GLCE: variants seen among roughly 807,000 people sequenced by gnomAD.
The protein encoded by GLCE is D-glucuronyl C5-epimerase.
A neutral mutation model predicts 47.9 loss-of-function variants in GLCE; 19 were observed. That is an observed-to-expected ratio of 0.40 (90% confidence interval 0.28 to 0.58). The LOEUF (loss-of-function observed/expected upper bound fraction) is 0.58. Ranked by LOEUF, GLCE falls within the 20% of genes least tolerant of loss-of-function variation. The pLI, the probability that GLCE is intolerant of heterozygous loss-of-function variation, is 0.48. For missense variants in GLCE, 556 were observed against 743.3 expected, an observed-to-expected ratio of 0.75 and a Z score of 2.93; for synonymous variants, 245 against 263.4, an observed-to-expected ratio of 0.93 and a Z score of 0.68.
intron 2 of GLCE, among the ~76,000 whole-genome samples, chr15:69,226,049 CACACACACACACACACACACACACAG>C (rs899507583): frequency 1.7e-4 from 2 of 11,498 alleles, no homozygotes; most frequent in Non-Finnish European, 2.7e-4. Flanking sequence ...CATGCACAGA[CACACACACACACACACACACACACAG>C]ACACACACAC....
At chr15:69,249,928 A>G (rs1738415761) in intron 2 of GLCE, among the ~76,000 whole-genome samples, 1 of 152,198 alleles carries the variant, frequency 6.6e-6, no homozygotes, top group Admixed American at 6.5e-5. Flanking sequence ...TATTTCTACA[A>G]AGAAGTTTTT....
intron 1 of GLCE, among the ~76,000 whole-genome samples, chr15:69,171,208 A>T (rs2051583096): frequency 6.6e-6 from 1 of 152,144 alleles, no homozygotes. Flanking sequence ...AACATATTTT[A>T]AAAATATTTT....
At chr15:69,253,960 G>A (rs2052885156) in intron 2 of GLCE, among the ~76,000 whole-genome samples, 1 of 152,222 alleles carries the variant, frequency 6.6e-6, no homozygotes, top group South Asian at 2.1e-4. Context: ...GCAGAATACA[G>A]TTGTTTTCAG....
chr15:69,240,600 G>A (rs548426233), intron 2 of GLCE, among the ~76,000 whole-genome samples: 1 of 152,020 alleles, frequency 6.6e-6, no homozygotes, highest in African/African-American at 2.4e-5. Flanking sequence ...TAATAAGTAC[G>A]GCCTATAGGA....
At chr15:69,197,078 T>C in intron 1 of GLCE, 1 of 324,564 alleles carries the variant, frequency 3.1e-6, no homozygotes, top group South Asian at 2.9e-5. Flanking sequence ...TCAACAAATC[T>C]CTGAGATGCA....
chr15:69,189,470 A>G (rs1266169904), intron 1 of GLCE, among the ~76,000 whole-genome samples: 2 of 152,210 alleles, frequency 1.3e-5, no homozygotes, highest in Non-Finnish European at 2.9e-5. Flanking sequence ...GTGGCTTCCA[A>G]GTTTGGGCAA....
chr15:69,211,322 GTC>G (rs750897060), intron 2 of GLCE, among the ~76,000 whole-genome samples: 47 of 152,050 alleles, frequency 3.1e-4, no homozygotes, highest in Non-Finnish European at 6.3e-4. Flanking sequence ...GATTATATTT[GTC>G]TCTCCTACTA....
chr15:69,174,979 T>A (rs979858187), intron 1 of GLCE, among the ~76,000 whole-genome samples: 2 of 152,222 alleles, frequency 1.3e-5, no homozygotes, highest in Non-Finnish European at 2.9e-5. Context: ...TAAGGTTTTT[T>A]AAAAAAATTA....
chr15:69,246,662 G>C (rs190093313), intron 2 of GLCE, among the ~76,000 whole-genome samples: 3 of 150,702 alleles, frequency 2.0e-5, no homozygotes, highest in East Asian at 3.9e-4. Flanking sequence ...GTTGCAGTGA[G>C]CCGAGATCAT....
At chr15:69,177,763 A>G (rs972387402) in intron 1 of GLCE, among the ~76,000 whole-genome samples, 1 of 149,478 alleles carries the variant, frequency 6.7e-6, no homozygotes, top group Admixed American at 6.7e-5. Context: ...GCCCCTCCAC[A>G]CTCCACCCTC....
At chr15:69,257,946 T>C (rs569623051) in intron 3 of GLCE, among the ~76,000 whole-genome samples, 1 of 152,120 alleles carries the variant, frequency 6.6e-6, no homozygotes, top group Non-Finnish European at 1.5e-5. Context: ...ATTTTGACTT[T>C]TTTTCCCCAT....
chr15:69,181,784 G>A (rs2051752035), intron 1 of GLCE, among the ~76,000 whole-genome samples: 2 of 151,910 alleles, frequency 1.3e-5, no homozygotes, highest in Non-Finnish European at 2.9e-5. Context: ...ACTTAAGAGA[G>A]ATGTTCAAAG....
At chr15:69,198,060 T>A (rs890517669) in intron 1 of GLCE, among the ~76,000 whole-genome samples, 1 of 152,194 alleles carries the variant, frequency 6.6e-6, no homozygotes, top group African/African-American at 2.4e-5. Context: ...TGAGCCTTTT[T>A]ATATACATAT....
At chr15:69,261,904 GAC>G (rs1453934702) in intron 4 of GLCE, among the ~76,000 whole-genome samples, 1 of 152,036 alleles carries the variant, frequency 6.6e-6, no homozygotes, top group African/African-American at 2.4e-5. Context: ...CTTTTACTAA[GAC>G]AGTCTCATTA....
intron 1 of GLCE, among the ~76,000 whole-genome samples, chr15:69,189,398 A>G (rs1262069942): frequency 1.3e-5 from 2 of 152,200 alleles, no homozygotes; most frequent in African/African-American, 4.8e-5. Flanking sequence ...GCGCTGAATC[A>G]TATTCCATTG....
intron 1 of GLCE, among the ~76,000 whole-genome samples, chr15:69,205,169 C>A (rs1278556408): frequency 3.3e-5 from 5 of 151,804 alleles, no homozygotes; most frequent in Admixed American, 6.6e-5. Flanking sequence ...CTCCCCCCCA[C>A]CCCTCAATAC....
Position 69,256,014 on chromosome 15 carries a change from A to C in GLCE, c.208A>C (p.Lys70Gln). Residue 70 changes from lysine to glutamine, a missense_variant, in exon 3 of 5, where the codon AAA becomes CAA. Lys to Gln is a moderately conservative substitution (Grantham distance 53). Transcript: ENST00000261858. The part of the protein sequence containing the change: ...ESNNYMNHVA[K>Q]QQSEEAFPQE... Reference sequence around the variant, plus strand: ...TAACAACTATATGAACCACGTGGCCAAACAACAGTCTGAGGAAGCATTCCC... The same window carrying C: ...TAACAACTATATGAACCACGTGGCCCAACAACAGTCTGAGGAAGCATTCCC... 6.2e-7 allele frequency: 1 copy of C among 1,614,086 alleles called. No homozygotes were observed. The highest frequency in any genetic ancestry group is 8.5e-7 in the Non-Finnish European group (1 of 1,179,980).
intron 1 of GLCE, among the ~76,000 whole-genome samples, chr15:69,186,724 AT>A (rs1412253625): frequency 2.0e-5 from 3 of 152,118 alleles, no homozygotes; most frequent in East Asian, 1.9e-4. Context: ...ATTCCCTAGA[AT>A]TTTTTTAACT....
intron 2 of GLCE, among the ~76,000 whole-genome samples, chr15:69,250,739 G>C (rs2052831048): frequency 6.7e-6 from 1 of 150,132 alleles, no homozygotes; most frequent in Non-Finnish European, 1.5e-5. Flanking sequence ...CAGAACTCCT[G>C]GGCTCAAGTG....
Sources: gnomAD v4.1 joint callset for allele counts (sites outside exome capture counted in the v4.1 genomes callset) on GRCh38, gnomAD v4.1.1 for gene constraint, MANE v1.5 for transcripts, NCBI Gene and HGNC (gene_info 2026-07-23, HGNC 2026-07-21) for gene names.